GHR: variants seen among roughly 807,000 people sequenced by gnomAD.
GHR encodes the protein GH receptor.
In GHR, 35 loss-of-function variants were observed where a neutral mutation model predicts 67.1. The observed-to-expected ratio is 0.52, with a 90% CI of 0.40 to 0.69. The LOEUF (loss-of-function observed/expected upper bound fraction) is 0.69. GHR is among the 30% of genes least tolerant of loss of function. GHR has a pLI of 0.00. For missense variants in GHR, 792 were observed against 764.6 expected, an observed-to-expected ratio of 1.04 and a Z score of -0.42; for synonymous variants, 272 against 269.1, an observed-to-expected ratio of 1.01 and a Z score of -0.10.
chr5:42,678,425 A>G (rs1273749006), intron 3 of GHR, among the ~76,000 whole-genome samples: 1 of 152,226 alleles, frequency 6.6e-6, no homozygotes, highest in African/African-American at 2.4e-5. Context: ...TACTTAGTGT[A>G]GGGGTAAAAG....
rs113698675 is a variant in GHR, at chr5:42,425,838, A to G, written c.-12+1883A>G. Among the ~76,000 whole-genome samples, 231 of 152,330 alleles carry G rather than the reference A, an allele frequency of 1.5e-3. 1 individual carries two copies. Among genetic ancestry groups the G allele is most frequent in the African/African-American group, 5.2e-3 (216 of 41,572 alleles). On this transcript the variant is annotated intron_variant, in intron 1 of 9. Coordinates refer to ENST00000230882, the MANE Select transcript of GHR (RefSeq NM_000163.5). ...TTAGCTTTTTTTTATTGGAGTAAAT[A>G]TATCACAGTGAAATTATAGTTATGG...
intron 6 of GHR, among the ~76,000 whole-genome samples, chr5:42,706,993 C>T (rs764113688): frequency 2.2e-4 from 34 of 151,224 alleles, no homozygotes; most frequent in Admixed American, 1.3e-4. Flanking sequence ...GTCATCTTAA[C>T]GATATTGATT....
At chr5:42,443,520 C>T (rs541733791) in intron 1 of GHR, among the ~76,000 whole-genome samples, 1 of 152,228 alleles carries the variant, frequency 6.6e-6, no homozygotes, top group Admixed American at 6.5e-5. Flanking sequence ...AAGATGATCA[C>T]AGGATGATTC....
chr5:42,664,028 A>G (rs1422252428), intron 3 of GHR, among the ~76,000 whole-genome samples: 1 of 152,204 alleles, frequency 6.6e-6, no homozygotes. Flanking sequence ...TAGGAATCCA[A>G]CTTACAAGGG....
intron 3 of GHR, among the ~76,000 whole-genome samples, chr5:42,671,738 C>T (rs969104169): frequency 2.0e-5 from 3 of 151,190 alleles, no homozygotes; most frequent in Non-Finnish European, 4.4e-5. Flanking sequence ...GGGCGGATCA[C>T]GAGGTCAGGA....
intron 6 of GHR, among the ~76,000 whole-genome samples, chr5:42,704,933 G>C (rs983078194): frequency 6.8e-6 from 1 of 147,832 alleles, no homozygotes; most frequent in East Asian, 1.9e-4. Context: ...GCTAAAGATT[G>C]GTTGATTTTG....
Position 42,465,666 on chromosome 5 carries a change from G to A in GHR, c.-12+41711G>A, listed in dbSNP as rs528794809. The A allele has an allele frequency of 1.3e-3, 1,092 of 863,594 alleles. 12 individuals are homozygous for A. The highest frequency in any genetic ancestry group is 5.7e-3 in the South Asian group (434 of 76,108). The allele number at this position is 863,594 out of a possible 1,614,324, so 53.5% of individuals were successfully genotyped here. ...CAGTTGTGAGATCTGCTACCTCCAC[G>A]TTACAGGTCCTCGTGCTTCAGGCCA... On this transcript the variant is annotated intron_variant, in intron 1 of 9. Coordinates refer to ENST00000230882, the MANE Select transcript of GHR (RefSeq NM_000163.5).
chr5:42,607,635 AG>A (rs1752690563), intron 2 of GHR, among the ~76,000 whole-genome samples: 1 of 152,208 alleles, frequency 6.6e-6, no homozygotes, highest in African/African-American at 2.4e-5. Context: ...GAAAACTGAA[AG>A]GGGACAGGAT....
At chr5:42,675,804 C>A (rs1392372478) in intron 3 of GHR, among the ~76,000 whole-genome samples, 2 of 152,182 alleles carry the variant, frequency 1.3e-5, no homozygotes, top group African/African-American at 4.8e-5. Flanking sequence ...CATAACCTCA[C>A]CTGCCAAACC....
intron 5 of GHR, among the ~76,000 whole-genome samples, chr5:42,697,501 TG>T (rs748116728): frequency 2.0e-5 from 3 of 151,992 alleles, no homozygotes; most frequent in Non-Finnish European, 4.4e-5. Flanking sequence ...AAAGAAGGAT[TG>T]GAGAGGATAA....
At chr5:42,691,219 A>G (rs1757408336) in intron 4 of GHR, among the ~76,000 whole-genome samples, 1 of 152,212 alleles carries the variant, frequency 6.6e-6, no homozygotes, top group Admixed American at 6.5e-5. Flanking sequence ...GATGTCTTAG[A>G]TTTTGCCCTG....
intron 2 of GHR, among the ~76,000 whole-genome samples, chr5:42,592,024 C>T (rs895599957): frequency 1.3e-5 from 2 of 152,088 alleles, no homozygotes; most frequent in Non-Finnish European, 2.9e-5. Context: ...AGCGTCCCCA[C>T]TGAGAAAGCA....
intron 5 of GHR, among the ~76,000 whole-genome samples, chr5:42,696,877 A>G (rs1757698578): frequency 6.6e-6 from 1 of 152,250 alleles, no homozygotes; most frequent in Non-Finnish European, 1.5e-5. Context: ...TCAAACAGCT[A>G]GTAGATAGAG....
intron 1 of GHR, among the ~76,000 whole-genome samples, chr5:42,455,088 T>C (rs1329976680): frequency 6.6e-6 from 1 of 152,158 alleles, no homozygotes; most frequent in Non-Finnish European, 1.5e-5. Context: ...CTTCTACTTT[T>C]GTGTTTCACG....
chr5:42,632,625 T>A (rs867322576), intron 3 of GHR, among the ~76,000 whole-genome samples: 7 of 152,328 alleles, frequency 4.6e-5, no homozygotes, highest in Middle Eastern at 3.4e-3. Context: ...TTCCACAGAT[T>A]AGTTTCTTAA....
chr5:42,627,727 G>A (rs1291266576), intron 2 of GHR, among the ~76,000 whole-genome samples: 3 of 152,234 alleles, frequency 2.0e-5, no homozygotes, highest in African/African-American at 7.2e-5. Context: ...CCCCGAGGTA[G>A]TGTCTAGGGG....
rs113578709 is a variant in GHR at position 42,552,351 on chromosome 5, C to T, written c.-11-13513C>T. On this transcript the variant is annotated intron_variant, in intron 1 of 9. Coordinates refer to ENST00000230882, the MANE Select transcript of GHR (RefSeq NM_000163.5). ...TTCCGTATTTTTCTTCTACCCTAGT[C>T]TGTTGTAGATTTTGACCTTGGCTGT... 2.2e-3 allele frequency among the ~76,000 whole-genome samples: 328 copies of T among 152,256 alleles called. 4 individuals carry two copies. The highest frequency in any genetic ancestry group is 7.7e-3 in the African/African-American group (319 of 41,548).
chr5:42,608,328 AT>A (rs890444020), intron 2 of GHR, among the ~76,000 whole-genome samples: 2 of 151,946 alleles, frequency 1.3e-5, no homozygotes, highest in African/African-American at 4.8e-5. Context: ...ATGGATTTAT[AT>A]TTTTTTTGTA....
At chr5:42,504,810 A>G (rs1434353778) in intron 1 of GHR, among the ~76,000 whole-genome samples, 1 of 152,210 alleles carries the variant, frequency 6.6e-6, no homozygotes, top group Admixed American at 6.5e-5. Context: ...TTCCAAGCTA[A>G]GGCAAGAATG....
Sources: allele counts gnomAD v4.1 joint callset (sites outside exome capture counted in the v4.1 genomes callset), GRCh38; gene constraint gnomAD v4.1.1; transcripts MANE v1.5; gene names NCBI Gene and HGNC (gene_info 2026-07-23, HGNC 2026-07-21).